The following PTPRM variants were observed in gnomAD, a reference collection of about 807,000 sequenced individuals.
PTPRM encodes protein tyrosine phosphatase receptor type M.
In PTPRM, 47 loss-of-function variants were observed where a neutral mutation model predicts 186.7. The ratio of observed to expected loss-of-function variants is 0.25; its 90% confidence interval spans 0.20 to 0.32. The LOEUF (loss-of-function observed/expected upper bound fraction) is 0.32, where lower values mean the gene tolerates loss of function less well. Among genes scored for constraint, PTPRM ranks in the 10% least tolerant of loss-of-function variants. The probability of loss-of-function intolerance (pLI) is 1.00; values close to 1 mark genes in which losing one functional copy is unlikely to be tolerated. For synonymous variants in PTPRM, 668 were observed against 674.9 expected, an observed-to-expected ratio of 0.99 and a Z score of 0.16; for missense variants, 1,494 against 1,865.0, an observed-to-expected ratio of 0.80 and a Z score of 3.66.
At chr18:7,927,263 CTGACAGAATGAGTGGGAGTAAA>C (rs1466114469) in intron 5 of PTPRM, among the ~76,000 whole-genome samples, 3 of 152,092 alleles carry the variant, frequency 2.0e-5, no homozygotes, top group Non-Finnish European at 4.4e-5. Flanking sequence ...CTCAGGAATC[CTGACAGAATGAGTGGGAGTAAA>C]TTGCCTGTCC....
At chr18:8,120,539 C>G (rs2092132673) in intron 13 of PTPRM, among the ~76,000 whole-genome samples, 1 of 145,822 alleles carries the variant, frequency 6.9e-6, no homozygotes, top group African/African-American at 2.6e-5. Context: ...GTTGCTCAGG[C>G]TGGAGTGTAG....
chr18:7,945,175 C>A (rs1181166690), intron 5 of PTPRM, among the ~76,000 whole-genome samples: 1 of 151,854 alleles, frequency 6.6e-6, no homozygotes, highest in Admixed American at 6.6e-5. Flanking sequence ...GAGTCCCGGC[C>A]GGGCGTGGTG....
intron 1 of PTPRM, among the ~76,000 whole-genome samples, chr18:7,633,782 C>G (rs1241192863): frequency 1.3e-5 from 2 of 152,158 alleles, no homozygotes; most frequent in African/African-American, 4.8e-5. Context: ...CATCCTGATT[C>G]CTGTTTCTCT....
chr18:7,829,887 G>A (rs2045674542), intron 2 of PTPRM, among the ~76,000 whole-genome samples: 1 of 151,612 alleles, frequency 6.6e-6, no homozygotes, highest in African/African-American at 2.4e-5. Context: ...TTTTTTGTGT[G>A]TGTCAGACAT....
At chr18:8,215,330 CTT>C (rs2094065647) in intron 14 of PTPRM, among the ~76,000 whole-genome samples, 1 of 151,914 alleles carries the variant, frequency 6.6e-6, no homozygotes, top group African/African-American at 2.4e-5. Context: ...TTGGCAGAAA[CTT>C]TTCAAGAATC....
At chr18:8,120,491 TC>T (rs2092127926) in intron 13 of PTPRM, among the ~76,000 whole-genome samples, 1 of 146,322 alleles carries the variant, frequency 6.8e-6, no homozygotes, top group Non-Finnish European at 1.5e-5. Flanking sequence ...TTTCTTTCTT[TC>T]TTTTTTTTTT....
intron 1 of PTPRM, among the ~76,000 whole-genome samples, chr18:7,721,827 A>G (rs2040452303): frequency 6.6e-6 from 1 of 152,134 alleles, no homozygotes; most frequent in African/African-American, 2.4e-5. Context: ...CCAGTACTAC[A>G]TTGTTTTAGT....
Position 7,781,107 on chromosome 18 carries a change from A to G in PTPRM, c.196+6836A>G, listed in dbSNP as rs139135488. 3.3e-5 allele frequency among the ~76,000 whole-genome samples: 5 copies of G among 152,254 alleles called. No homozygotes were observed. In the East Asian group the frequency reaches 7.7e-4, roughly 24 times the overall value. On this transcript the variant is annotated intron_variant, in intron 2 of 32. Coordinates refer to ENST00000580170, the MANE Select transcript of PTPRM (RefSeq NM_001105244.2). ...AGTATTATTAAATAATTTAGAGGCA[A>G]TTTGGTATGAATTCATCTCTTAGCT...
intron 1 of PTPRM, among the ~76,000 whole-genome samples, chr18:7,759,835 T>G (rs968639454): frequency 3.3e-5 from 5 of 152,198 alleles, no homozygotes; most frequent in Non-Finnish European, 7.3e-5. Context: ...CTCAAATAAT[T>G]GTAGACGTTA....
intron 1 of PTPRM, among the ~76,000 whole-genome samples, chr18:7,625,157 G>C (rs1395557991): frequency 6.6e-6 from 1 of 152,154 alleles, no homozygotes; most frequent in Non-Finnish European, 1.5e-5. Context: ...GCTTTTAGAA[G>C]ACTAAGAAAA....
At chr18:8,202,339 A>G (rs1172709900) in intron 14 of PTPRM, among the ~76,000 whole-genome samples, 3 of 152,170 alleles carry the variant, frequency 2.0e-5, no homozygotes, top group Non-Finnish European at 2.9e-5. Flanking sequence ...GTAAATAGAC[A>G]TGTTTTGAAG....
chr18:8,199,613 G>C (rs1289707579), intron 14 of PTPRM, among the ~76,000 whole-genome samples: 1 of 152,154 alleles, frequency 6.6e-6, no homozygotes, highest in Non-Finnish European at 1.5e-5. Flanking sequence ...AGTTGCCCAG[G>C]AAGATTCATT....
chr18:8,106,247 C>T (rs535598855), intron 11 of PTPRM, among the ~76,000 whole-genome samples: 2 of 152,210 alleles, frequency 1.3e-5, no homozygotes, highest in Admixed American at 1.3e-4. Context: ...CTTCCATCTT[C>T]TGTGCTGATG....
At chr18:8,145,955 T>C (rs1184623077) in intron 14 of PTPRM, among the ~76,000 whole-genome samples, 2 of 152,174 alleles carry the variant, frequency 1.3e-5, no homozygotes, top group African/African-American at 2.4e-5. Context: ...ACCAACAGTG[T>C]AAAAGTGTTC....
chr18:7,622,449 G>C (rs186749739), intron 1 of PTPRM, among the ~76,000 whole-genome samples: 146 of 152,192 alleles, frequency 9.6e-4, no homozygotes, highest in African/African-American at 3.4e-3. Context: ...TCTGTGGTCT[G>C]TGCTGGACTC....
At chr18:7,697,876 G>A (rs1049345500) in intron 1 of PTPRM, among the ~76,000 whole-genome samples, 15 of 152,168 alleles carry the variant, frequency 9.9e-5, no homozygotes, top group African/African-American at 2.9e-4. Context: ...GGAAAAGAAA[G>A]TGTTCTCCAG....
chr18:7,859,343 C>T (rs183011845), intron 2 of PTPRM, among the ~76,000 whole-genome samples: 4 of 152,316 alleles, frequency 2.6e-5, no homozygotes, highest in Admixed American at 2.0e-4. Flanking sequence ...CCCTGATGCC[C>T]ACTGCATTCT....
At chr18:7,936,852 C>G (rs2051847142) in intron 5 of PTPRM, among the ~76,000 whole-genome samples, 1 of 152,192 alleles carries the variant, frequency 6.6e-6, no homozygotes, top group African/African-American at 2.4e-5. Flanking sequence ...CTCGAGCACT[C>G]AGGCCGACCT....
intron 1 of PTPRM, chr18:7,747,455 T>G (rs1296435605): frequency 6.6e-6 from 1 of 152,278 alleles, no homozygotes. Flanking sequence ...CAGCAGAAAT[T>G]GATTGTCTCA....
Sources: allele counts gnomAD v4.1 joint callset (sites outside exome capture counted in the v4.1 genomes callset), GRCh38; gene constraint gnomAD v4.1.1; transcripts MANE v1.5; gene names NCBI Gene and HGNC (gene_info 2026-07-23, HGNC 2026-07-21).